SORCS2: variants seen among roughly 807,000 people sequenced by gnomAD.
The protein encoded by SORCS2 is sortilin related VPS10 domain containing receptor 2.
SORCS2 carries 100 observed loss-of-function variants against 141.6 expected under a neutral mutation model. That is an observed-to-expected ratio of 0.71 (90% CI 0.60 to 0.83). SORCS2 has a LOEUF of 0.83. Among genes scored for constraint, SORCS2 ranks in the 40% least tolerant of loss-of-function variants. The pLI is 0.00. For synonymous variants in SORCS2, 789 were observed against 676.9 expected, an observed-to-expected ratio of 1.17 and a Z score of -2.57; for missense variants, 1,646 against 1,560.2, an observed-to-expected ratio of 1.05 and a Z score of -0.93.
At chr4:7,218,562 C>A (rs1728511620) in intron 1 of SORCS2, among the ~76,000 whole-genome samples, 1 of 152,188 alleles carries the variant, frequency 6.6e-6, no homozygotes, top group Non-Finnish European at 1.5e-5. Context: ...AAGCCTACTG[C>A]ATATTCTTTG....
At chr4:7,279,701 C>T (rs530352684) in intron 1 of SORCS2, among the ~76,000 whole-genome samples, 108 of 152,248 alleles carry the variant, frequency 7.1e-4, no homozygotes, top group African/African-American at 2.4e-3. Flanking sequence ...CAGGGAGGTA[C>T]GTGGGAAGGA....
intron 3 of SORCS2, among the ~76,000 whole-genome samples, chr4:7,534,329 T>TC (rs34834438): frequency 0.055 from 8,346 of 151,148 alleles, 246 homozygotes; most frequent in Middle Eastern, 0.088. Flanking sequence ...CTCTGCCAGG[T>TC]CCCCCCCCAT....
At chr4:7,686,749 C>T (rs1198455239) in intron 10 of SORCS2, among the ~76,000 whole-genome samples, 1 of 152,238 alleles carries the variant, frequency 6.6e-6, no homozygotes, top group African/African-American at 2.4e-5. Flanking sequence ...CTTCTTTTCA[C>T]CTGGTGTCCC....
intron 1 of SORCS2, among the ~76,000 whole-genome samples, chr4:7,213,929 C>T (rs1486661689): frequency 6.6e-6 from 1 of 152,176 alleles, no homozygotes; most frequent in African/African-American, 2.4e-5. Flanking sequence ...TATTCCATGT[C>T]CCTGCCCCAG....
chr4:7,473,185 C>G (rs1730085129), intron 2 of SORCS2, among the ~76,000 whole-genome samples: 1 of 152,180 alleles, frequency 6.6e-6, no homozygotes, highest in African/African-American at 2.4e-5. Context: ...GAACAAACAT[C>G]CCATCAATAA....
In SORCS2 at chr4:7,611,094, C is replaced by T. The variant is rs116971250; in HGVS notation, c.649-27234C>T. 9.3e-4 allele frequency among the ~76,000 whole-genome samples: 141 copies of T among 152,276 alleles called. 2 individuals carry two copies. In the East Asian group the frequency reaches 0.025, roughly 27 times the overall value. On this transcript the variant is annotated intron_variant, in intron 3 of 26. Transcript: ENST00000507866. The stretch of plus-strand genomic sequence containing the variant: ...GCCACCATGCAGCCCAGCACCCACA[C>T]GTCTACATGGGCGCCCACTGCAGCT...
In SORCS2 at chr4:7,422,276, C is replaced by CG. The variant is rs554027149; in HGVS notation, c.548+25924dup. 4.6e-3 allele frequency among the ~76,000 whole-genome samples: 694 copies of CG among 152,282 alleles called. 7 individuals are homozygous for CG. Among genetic ancestry groups the CG allele is most frequent in the African/African-American group, 0.016 (659 of 41,556 alleles). On this transcript the variant is annotated intron_variant, in intron 2 of 26. Coordinates refer to ENST00000507866, the MANE Select transcript of SORCS2 (RefSeq NM_020777.3). ...GTCTCAGAGCCCAGCTCAGCCTCCT[C>CG]GGGCCATGCCGTTCTCTGGGACAAG...
At chr4:7,301,805 G>C (rs1717451476) in intron 1 of SORCS2, among the ~76,000 whole-genome samples, 1 of 152,226 alleles carries the variant, frequency 6.6e-6, no homozygotes. Flanking sequence ...GCATGTTTCT[G>C]GATTACATTC....
intron 3 of SORCS2, among the ~76,000 whole-genome samples, chr4:7,551,124 C>G (rs553017292): frequency 3.9e-5 from 6 of 152,296 alleles, no homozygotes; most frequent in African/African-American, 1.4e-4. Flanking sequence ...TTTGTCATGG[C>G]AAAATATGCT....
intron 1 of SORCS2, among the ~76,000 whole-genome samples, chr4:7,198,203 G>A (rs79788603): frequency 0.065 from 9,880 of 152,196 alleles, 878 homozygotes; most frequent in African/African-American, 0.21. Context: ...CGCACAGGAC[G>A]TGGCTGCCCC....
chr4:7,508,103 T>A (rs1333217507), intron 2 of SORCS2, among the ~76,000 whole-genome samples: 1 of 150,246 alleles, frequency 6.7e-6, no homozygotes, highest in African/African-American at 2.5e-5. Flanking sequence ...CCGGCTGGGG[T>A]GTTTGGTTTG....
At chr4:7,620,493 T>A (rs1014907008) in intron 3 of SORCS2, among the ~76,000 whole-genome samples, 1 of 152,036 alleles carries the variant, frequency 6.6e-6, no homozygotes, top group African/African-American at 2.4e-5. Context: ...TGGGGGAGGG[T>A]GCAACTTCCC....
At chr4:7,384,656 T>C (rs1160804997) in intron 1 of SORCS2, among the ~76,000 whole-genome samples, 2 of 152,084 alleles carry the variant, frequency 1.3e-5, no homozygotes, top group Non-Finnish European at 2.9e-5. Flanking sequence ...AGACCCTTCT[T>C]GGGAGACAGT....
At chr4:7,275,630 G>T (rs925890666) in intron 1 of SORCS2, among the ~76,000 whole-genome samples, 2 of 152,132 alleles carry the variant, frequency 1.3e-5, no homozygotes, top group African/African-American at 4.8e-5. Context: ...TGCTGCTTGT[G>T]TACCTGGTTC....
intron 2 of SORCS2, among the ~76,000 whole-genome samples, chr4:7,422,108 C>T (rs887528697): frequency 6.6e-6 from 1 of 152,220 alleles, no homozygotes; most frequent in Non-Finnish European, 1.5e-5. Flanking sequence ...AGTCCACCAT[C>T]TTGTACGGGT....
rs371023744 is a variant in SORCS2, at chr4:7,739,470, A to G, written c.3416-730A>G. On this transcript the variant is annotated intron_variant, in intron 26 of 26. Transcript: ENST00000507866. ...TAATCCTAGTGGGGTAGTAAGATTCATGCAGCCAAGCCCTTGGTCCACGCC... is the reference window on the plus strand; with the variant it reads ...TAATCCTAGTGGGGTAGTAAGATTCGTGCAGCCAAGCCCTTGGTCCACGCC... 1.7e-3 allele frequency among the ~76,000 whole-genome samples: 263 copies of G among 152,254 alleles called. 1 individual carries two copies. Among genetic ancestry groups the G allele is most frequent in the African/African-American group, 5.8e-3 (243 of 41,558 alleles).
At chr4:7,668,406 G>A (rs112289446) in intron 8 of SORCS2, among the ~76,000 whole-genome samples, 3 of 152,178 alleles carry the variant, frequency 2.0e-5, no homozygotes, top group Non-Finnish European at 2.9e-5. Context: ...GCTCCAAGAA[G>A]AGCAAGGGAG....
chr4:7,615,362 T>C (rs1718691269), intron 3 of SORCS2, among the ~76,000 whole-genome samples: 1 of 152,120 alleles, frequency 6.6e-6, no homozygotes, highest in Admixed American at 6.5e-5. Flanking sequence ...GGCTATGGAG[T>C]GAGGTGCCTT....
At chr4:7,224,740 G>A (rs1022537649) in intron 1 of SORCS2, among the ~76,000 whole-genome samples, 1 of 152,210 alleles carries the variant, frequency 6.6e-6, no homozygotes, top group East Asian at 1.9e-4. Context: ...GGAGGAGGAG[G>A]TGTGGCACTG....
Sources: gnomAD v4.1 joint callset for allele counts (sites outside exome capture counted in the v4.1 genomes callset) on GRCh38, gnomAD v4.1.1 for gene constraint, MANE v1.5 for transcripts, NCBI Gene and HGNC (gene_info 2026-07-23, HGNC 2026-07-21) for gene names.